TPTE2: variants seen among roughly 807,000 people sequenced by gnomAD.
The protein encoded by TPTE2 is transmembrane phosphoinositide 3-phosphatase and tensin homolog 2.
In TPTE2, 53 loss-of-function variants were observed where a neutral mutation model predicts 78.6. That is an observed-to-expected ratio of 0.67 (90% CI 0.54 to 0.85). The LOEUF (loss-of-function observed/expected upper bound fraction) is 0.85. Ranked by LOEUF, TPTE2 falls within the 40% of genes least tolerant of loss-of-function variation. The pLI, the probability that TPTE2 is intolerant of heterozygous loss-of-function variation, is 0.00. For synonymous variants in TPTE2, 175 were observed against 206.2 expected, an observed-to-expected ratio of 0.85 and a Z score of 1.30; for missense variants, 461 against 623.0, an observed-to-expected ratio of 0.74 and a Z score of 2.77.
chr13:19,560,299 A>G, the TPTE2 span: 4 of 1,149,656 alleles, frequency 3.5e-6, no homozygotes, highest in South Asian at 5.2e-5. Context: ...CAGGGCCTTC[A>G]GTAGAACGTA....
At chr13:19,493,834 A>T (rs1301497806) in intron 1 of TPTE2, among the ~76,000 whole-genome samples, 1 of 152,158 alleles carries the variant, frequency 6.6e-6, no homozygotes, top group African/African-American at 2.4e-5. Context: ...CTCTTATTCC[A>T]TTCAATGTCC....
At chr13:19,426,954 C>T (rs1358597368) in intron 17 of TPTE2, among the ~76,000 whole-genome samples, 1 of 152,008 alleles carries the variant, frequency 6.6e-6, no homozygotes, top group Non-Finnish European at 1.5e-5. Context: ...ATCTGCCCGC[C>T]TGGGCCTCCC....
intron 11 of TPTE2, 45 bp downstream of exon 14, chr13:19,451,120 T>C (rs774842142): frequency 6.2e-7 from 1 of 1,600,502 alleles, no homozygotes; most frequent in South Asian, 1.1e-5. Context: ...CGTGCAGTAA[T>C]CTGTTTTCTA....
intron 11 of TPTE2, among the ~76,000 whole-genome samples, chr13:19,450,747 T>C (rs147178188): frequency 1.0e-3 from 157 of 152,300 alleles, no homozygotes; most frequent in Admixed American, 3.2e-3. Context: ...TACAACCTAT[T>C]TTCTACAGAG....
At position 19,477,168 on chromosome 13, in the gene TPTE2, C is replaced by T. The variant is rs571425738; in HGVS notation, c.180-1545G>A. On this transcript the variant is annotated intron_variant, in intron 4 of 19. Transcript: ENST00000400230. ...ATCAGTGGTAGCTAAATCATAAGGA[C>T]GGATGAACACAAAGAAGGAAATAGA... Among the ~76,000 whole-genome samples, 154 of 151,838 alleles carry T rather than the reference C, an allele frequency of 1.0e-3. 1 individual carries two copies. Among genetic ancestry groups the T allele is most frequent in the African/African-American group, 3.6e-3 (148 of 41,406 alleles).
the TPTE2 span, among the ~76,000 whole-genome samples, chr13:19,557,851 A>G: frequency 6.6e-6 from 1 of 152,202 alleles, no homozygotes; most frequent in Non-Finnish European, 1.5e-5. Context: ...TTTTTAATTT[A>G]TTAGAACCCA....
intron 1 of TPTE2, among the ~76,000 whole-genome samples, chr13:19,524,912 T>C (rs80222494): frequency 0.021 from 3,231 of 152,288 alleles, 122 homozygotes; most frequent in African/African-American, 0.074. Flanking sequence ...GTAACAAATG[T>C]AGAGCAGGGA....
chr13:19,480,090 A>G (rs1369847518), intron 4 of TPTE2, among the ~76,000 whole-genome samples: 3 of 152,154 alleles, frequency 2.0e-5, no homozygotes, highest in Non-Finnish European at 4.4e-5. Flanking sequence ...TTTTTTATCA[A>G]TAGAAGGTGG....
intron 1 of TPTE2, among the ~76,000 whole-genome samples, chr13:19,512,358 CT>C (rs1314928783): frequency 6.6e-6 from 1 of 152,204 alleles, no homozygotes; most frequent in African/African-American, 2.4e-5. Context: ...TAACTCACCC[CT>C]CTCACACTTC....
intron 1 of TPTE2, among the ~76,000 whole-genome samples, chr13:19,495,544 C>A (rs1881254398): frequency 6.6e-6 from 1 of 152,200 alleles, no homozygotes; most frequent in Non-Finnish European, 1.5e-5. Context: ...AAAGCTCATT[C>A]TGAGAGGACT....
upstream of TPTE2, among the ~76,000 whole-genome samples, chr13:19,506,160 CTTTTTTTTTTT>C (rs71092369): frequency 5.5e-4 from 18 of 32,850 alleles, 1 homozygote; most frequent in East Asian, 4.3e-3. Flanking sequence ...GTATATAAAT[CTTTTTTTTTTT>C]TTTTTTTTTT....
chr13:19,507,425 A>G (rs1431267398), upstream of TPTE2, among the ~76,000 whole-genome samples: 1 of 152,008 alleles, frequency 6.6e-6, no homozygotes, highest in Non-Finnish European at 1.5e-5. Flanking sequence ...TAAAATTAGG[A>G]GAGCATTAGG....
chr13:19,422,892 T>C, exon 20 of TPTE2: 1 of 587,658 alleles, frequency 1.7e-6, no homozygotes, highest in Non-Finnish European at 2.6e-6. Flanking sequence ...TCTATATATA[T>C]TTAATAGATT....
intron 13 of TPTE2, among the ~76,000 whole-genome samples, chr13:19,448,876 G>C (rs2497073): frequency 0.18 from 28,047 of 151,952 alleles, 3,518 homozygotes; most frequent in African/African-American, 0.36. Context: ...TAATACCCAA[G>C]CTATGGAGTC....
chr13:19,430,123 A>G (rs1337953978), intron 17 of TPTE2, among the ~76,000 whole-genome samples: 1 of 152,240 alleles, frequency 6.6e-6, no homozygotes, highest in Non-Finnish European at 1.5e-5. Context: ...TAAAAGATCA[A>G]ATGACTGAGA....
intron 13 of TPTE2, among the ~76,000 whole-genome samples, chr13:19,443,706 A>G (rs1297938176): frequency 6.6e-6 from 1 of 151,290 alleles, no homozygotes; most frequent in Non-Finnish European, 1.5e-5. Flanking sequence ...CACCCAGCCA[A>G]GGAATTTCTT....
rs527885889 is a variant in TPTE2 at position 19,435,632 on chromosome 13, A to C, written c.1116+594T>G. Among the ~76,000 whole-genome samples, 1,017 of 152,224 alleles carry C rather than the reference A, an allele frequency of 6.7e-3. 6 individuals are homozygous for C. The highest frequency in any genetic ancestry group is 0.022 in the African/African-American group (900 of 41,478). On this transcript the variant is annotated intron_variant, in intron 15 of 19. Coordinates refer to ENST00000400230, the Ensembl canonical transcript of TPTE2. ...ACAGTGTATATTTCATATAGGTGTTATGGGTATTAAATGAGATATGTAAAA... is the reference window on the plus strand; with the variant it reads ...ACAGTGTATATTTCATATAGGTGTTCTGGGTATTAAATGAGATATGTAAAA...
chr13:19,494,714 T>C (rs1309042179), intron 1 of TPTE2, among the ~76,000 whole-genome samples: 1 of 152,144 alleles, frequency 6.6e-6, no homozygotes, highest in Non-Finnish European at 1.5e-5. Context: ...TGGCCATGTG[T>C]ACATCTTTTA....
At chr13:19,470,515 ATT>A (rs1399753373) in intron 6 of TPTE2, among the ~76,000 whole-genome samples, 2 of 151,434 alleles carry the variant, frequency 1.3e-5, no homozygotes, top group African/African-American at 4.9e-5. Context: ...GGGTTTTTTC[ATT>A]TGTTTATTTT....
Sources: allele counts gnomAD v4.1 joint callset (sites outside exome capture counted in the v4.1 genomes callset), GRCh38; gene constraint gnomAD v4.1.1; transcripts MANE v1.5; gene names NCBI Gene and HGNC (gene_info 2026-07-23, HGNC 2026-07-21).